Variants in LGI2 observed in about 807,000 individuals in gnomAD.
LGI2 encodes the protein leucine rich repeat LGI family member 2, also known as leucine-rich repeat LGI family member 2.
In LGI2, 30 loss-of-function variants were observed where a neutral mutation model predicts 52.0. The ratio of observed to expected loss-of-function variants is 0.58; its 90% CI spans 0.43 to 0.78. LGI2 has a LOEUF of 0.78. LGI2 is among the 30% of genes least tolerant of loss of function. The pLI, the probability that LGI2 is intolerant of heterozygous loss-of-function variation, is 0.00. For synonymous variants in LGI2, 270 were observed against 271.8 expected (o/e 0.99, Z 0.06); for missense variants, 573 against 692.5 (o/e 0.83, Z 1.94).
chr4:24,994,257 A>T (rs1724988791), downstream of LGI2, among the ~76,000 whole-genome samples: 1 of 152,124 alleles, frequency 6.6e-6, no homozygotes, highest in Non-Finnish European at 1.5e-5. Context: ...ATCTTTTCCA[A>T]GTGGTTAAAA....
At chr4:25,010,919 C>CA (rs1045691309) in intron 7 of LGI2, among the ~76,000 whole-genome samples, 5 of 151,368 alleles carry the variant, frequency 3.3e-5, no homozygotes, top group East Asian at 3.9e-4. Flanking sequence ...CCTGTCTCTA[C>CA]AAAAAACAAA....
intron 4 of LGI2, among the ~76,000 whole-genome samples, chr4:25,020,231 G>A (rs1417475668): frequency 6.6e-6 from 1 of 152,100 alleles, no homozygotes; most frequent in Admixed American, 6.5e-5. Flanking sequence ...AATAAAGGTT[G>A]ACCCAAAACC....
intron 3 of LGI2, among the ~76,000 whole-genome samples, chr4:25,025,158 C>T (rs1407179128): frequency 1.3e-5 from 2 of 152,074 alleles, no homozygotes; most frequent in African/African-American, 4.8e-5. Flanking sequence ...GTAAAAACAT[C>T]CTGGGGAGAA....
At chr4:25,005,819 G>A (rs527964184) in intron 7 of LGI2, among the ~76,000 whole-genome samples, 6 of 152,236 alleles carry the variant, frequency 3.9e-5, no homozygotes, top group African/African-American at 1.2e-4. Flanking sequence ...CAGACCAGGT[G>A]GCCTAGGGTT....
chr4:25,027,782 C>T (rs2109427640), intron 2 of LGI2, among the ~76,000 whole-genome samples: 1 of 152,336 alleles, frequency 6.6e-6, no homozygotes, highest in South Asian at 2.1e-4. Context: ...TTGCCTGTCA[C>T]TGGATTGCTT....
chr4:25,000,010 T>C lies in LGI2; in HGVS notation c.*3441A>G, dbSNP rs7690185. The C allele has an allele frequency of 2.8e-6, 1 of 351,856 alleles. No individual in the cohort carries two copies. Among genetic ancestry groups the C allele is most frequent in the Non-Finnish European group, 5.7e-6 (1 of 174,316 alleles). 21.8% of individuals were successfully genotyped at this position (351,856 alleles called of 1,614,324 possible). ...CAGACCAGCTAGATATCCTCCTTAGTACAACAGAAAACTATCCAAAATTTC... is the reference window on the plus strand; with the variant it reads ...CAGACCAGCTAGATATCCTCCTTAGCACAACAGAAAACTATCCAAAATTTC... On this transcript the variant is annotated 3_prime_UTR_variant, in exon 8 of 8. Coordinates refer to ENST00000382114, the MANE Select transcript of LGI2 (RefSeq NM_018176.4).
chr4:24,994,647 CG>C (rs1216934558), downstream of LGI2, among the ~76,000 whole-genome samples: 3 of 152,248 alleles, frequency 2.0e-5, no homozygotes, highest in Admixed American at 6.5e-5. Context: ...ATGTGTGTTT[CG>C]GGGGTCGGTG....
downstream of LGI2, among the ~76,000 whole-genome samples, chr4:24,994,761 C>T (rs543756008): frequency 1.3e-5 from 2 of 152,278 alleles, no homozygotes; most frequent in East Asian, 3.9e-4. Flanking sequence ...TTCTCAAGGG[C>T]TGCAGTACTC....
At chr4:25,006,674 T>C (rs1341118559) in intron 7 of LGI2, among the ~76,000 whole-genome samples, 1 of 152,246 alleles carries the variant, frequency 6.6e-6, no homozygotes, top group Non-Finnish European at 1.5e-5. Flanking sequence ...CCAGGCACTA[T>C]TCTAAGCACT....
rs1195957043 is a variant in LGI2 at position 25,003,242 on chromosome 4, T to TA, written c.*208dup. The TA allele has an allele frequency of 4.3e-6, 2 of 466,190 alleles. No individual in the cohort carries two copies. The highest frequency in any genetic ancestry group is 7.5e-6 in the Non-Finnish European group (2 of 267,890). 28.9% of individuals were successfully genotyped at this position (466,190 alleles called of 1,614,324 possible). On this transcript the variant is annotated 3_prime_UTR_variant, in exon 8 of 8. Coordinates refer to ENST00000382114, the MANE Select transcript of LGI2 (RefSeq NM_018176.4). ...AATTACAGGCTTTAAGATTTTTTTT[T>TA]AAATGGTAGAATGGGCATGTCATGC... is the stretch of plus-strand genomic sequence containing the variant.
At chr4:24,995,450 G>C (rs1232021443), downstream of LGI2, among the ~76,000 whole-genome samples, 1 of 152,228 alleles carries the variant, frequency 6.6e-6, no homozygotes, top group Non-Finnish European at 1.5e-5. Context: ...GGCCAGGTCT[G>C]TGATCATCTG....
At chr4:25,029,883 G>T (rs781072105) in intron 1 of LGI2, among the ~76,000 whole-genome samples, 9 of 152,172 alleles carry the variant, frequency 5.9e-5, no homozygotes, top group Non-Finnish European at 1.0e-4. Context: ...GGCCACGGGG[G>T]GCGGCCCCTC....
intron 7 of LGI2, among the ~76,000 whole-genome samples, chr4:25,011,240 G>A (rs777441862): frequency 1.5e-4 from 23 of 152,032 alleles, no homozygotes; most frequent in Non-Finnish European, 3.1e-4. Context: ...ACAAAACCAC[G>A]TGGACATGGA....
chr4:25,030,372 A>C, intron 1 of LGI2, 125 bp downstream of exon 1: 1 of 1,031,386 alleles, frequency 9.7e-7, no homozygotes, highest in Non-Finnish European at 1.4e-6. Context: ...CCCCCACACA[A>C]AGGCAAAGAA....
chr4:25,030,689 G>A lies in LGI2; in HGVS notation c.5C>T (p.Ala2Val). ...CGCTCCGCAGCCGCCTCTCCGCAGC[G>A]CCATGCCCGGTCCCCGCTCCCCGCC... M[A>V]LRRGGCGALG... The change falls in exon 1 of 8, where the codon GCG becomes GTG. Residue 2 changes from alanine to valine, a missense_variant. By Grantham distance (64) the Ala-to-Val change is moderately conservative. Transcript: ENST00000382114. 1 of 1,372,206 alleles carries A rather than the reference G, an allele frequency of 7.3e-7. No homozygotes were observed. The highest frequency in any genetic ancestry group is 9.4e-7 in the Non-Finnish European group (1 of 1,069,254). The allele number at this position is 1,372,206 out of a possible 1,614,324, so 85.0% of individuals were successfully genotyped here. A position where few individuals can be genotyped will look rare whatever the true frequency, so the allele number is the denominator to read the frequency against.
chr4:25,018,240 G>T, intron 5 of LGI2, 82 bp from the exon 6 acceptor site: 1 of 973,064 alleles, frequency 1.0e-6, no homozygotes, highest in Non-Finnish European at 1.5e-6. Context: ...CGAAACTCCA[G>T]AATTATTAAC....
intron 7 of LGI2, among the ~76,000 whole-genome samples, chr4:25,008,625 G>C (rs1177515965): frequency 6.7e-5 from 10 of 150,156 alleles, no homozygotes; most frequent in Non-Finnish European, 1.3e-4. Flanking sequence ...CCATTTTACA[G>C]ATAAAGTGGA....
Position 25,004,328 on chromosome 4 carries a change from C to T in LGI2, c.821-60G>A. The T allele has an allele frequency of 7.0e-7, 1 of 1,418,500 alleles. No homozygotes were observed. The highest frequency in any genetic ancestry group is 1.9e-5 in the Admixed American group (1 of 53,060). 87.9% of individuals were successfully genotyped at this position (1,418,500 alleles called of 1,614,324 possible). A position where few individuals can be genotyped will look rare whatever the true frequency, so the allele number is the denominator to read the frequency against. ...AACTACAGCTAAAAACGCATCTCCG[C>T]TTGTACTCTTATACACTGCTGGTGG... On this transcript the variant is annotated intron_variant, in intron 7 of 7. Transcript: ENST00000382114. This position sits in a 1 kb window ranked among gnomAD's most constrained non-coding sequence, Gnocchi z 4.6.
chr4:25,029,302 C>T (rs1010895904), intron 1 of LGI2, among the ~76,000 whole-genome samples: 1 of 152,176 alleles, frequency 6.6e-6, no homozygotes, highest in African/African-American at 2.4e-5. Context: ...CCATGTCACC[C>T]GACTTAGCAA....
Sources: gnomAD v4.1 joint callset for allele counts (sites outside exome capture counted in the v4.1 genomes callset) on GRCh38, gnomAD v4.1.1 for gene constraint, Gnocchi (gnomAD v3.1) non-coding constraint, MANE v1.5 for transcripts, NCBI Gene and HGNC (gene_info 2026-07-23, HGNC 2026-07-21) for gene names.